The following PMVK variants were observed in gnomAD, a reference collection of about 807,000 sequenced individuals.
PMVK encodes the protein testis tissue sperm-binding protein Li 95mP.
PMVK carries 10 observed loss-of-function variants against 19.0 expected under a neutral mutation model. The observed-to-expected ratio is 0.53, with a 90% CI of 0.32 to 0.89. The LOEUF is 0.89. PMVK is among the 40% of genes least tolerant of loss of function. PMVK has a pLI of 0.03. For missense variants in PMVK, 222 were observed against 251.1 expected, an observed-to-expected ratio of 0.88 and a Z score of 0.78; for synonymous variants, 108 against 101.6, an observed-to-expected ratio of 1.06 and a Z score of -0.38.
intron 2 of PMVK, among the ~76,000 whole-genome samples, chr1:154,931,389 A>G (rs1654330236): frequency 6.6e-6 from 1 of 152,182 alleles, no homozygotes; most frequent in East Asian, 1.9e-4. Context: ...CCCTTTCTGA[A>G]GTCTAAGATT....
upstream of PMVK, among the ~76,000 whole-genome samples, chr1:154,937,191 A>G (rs71628638): frequency 7.2e-5 from 11 of 152,182 alleles, no homozygotes; most frequent in Non-Finnish European, 1.3e-4. Flanking sequence ...CCTGTGCGTT[A>G]TAGTACATGT....
Position 154,925,080 on chromosome 1 carries a change from G to GCCCCCCCCCCCCC in PMVK, c.*48_*49insGGGGGGGGGGGGG. ...GGGACACCCCCATTTTGCAGAGTCAGCCCCACCCCCACCTCAGCAGGCCCC... is the reference window on the plus strand; with the variant it reads ...GGGACACCCCCATTTTGCAGAGTCAGCCCCCCCCCCCCCCCCCACCCCCACCTCAGCAGGCCCC... On this transcript the variant is annotated 3_prime_UTR_variant, in exon 5 of 5. Coordinates refer to ENST00000368467, the MANE Select transcript of PMVK (RefSeq NM_006556.4). 9 of 1,459,212 alleles carry GCCCCCCCCCCCCC rather than the reference G, an allele frequency of 6.2e-6. No individual in the cohort carries two copies. Among genetic ancestry groups the GCCCCCCCCCCCCC allele is most frequent in the Admixed American group, 1.8e-5 (1 of 55,188 alleles). The allele number at this position is 1,459,212 out of a possible 1,614,324, so 90.4% of individuals were successfully genotyped here.
rs775661611 is a variant in PMVK, at chr1:154,932,339, A to G, written c.159+13T>C. The G allele has an allele frequency of 3.3e-5, 53 of 1,607,950 alleles. No homozygotes were observed. On this transcript the variant is annotated intron_variant, in intron 2 of 4. Transcript: ENST00000368467. ...CCCGCCCAACACACCGGATGCCACA[A>G]AGCACCACCTACCTGAGCATACTGT...
At chr1:154,926,911 T>C (rs1654180638) in intron 3 of PMVK, among the ~76,000 whole-genome samples, 1 of 152,166 alleles carries the variant, frequency 6.6e-6, no homozygotes, top group Admixed American at 6.6e-5. Context: ...TCAACACGGC[T>C]GAAACTCAAC....
At chr1:154,931,045 G>A (rs1025468323) in intron 2 of PMVK, among the ~76,000 whole-genome samples, 1 of 152,008 alleles carries the variant, frequency 6.6e-6, no homozygotes, top group Admixed American at 6.6e-5. Flanking sequence ...GCCATTATGC[G>A]CCACTGCACT....
At position 154,929,146 on chromosome 1, in the gene PMVK, C is replaced by T. The variant is rs1654261058; in HGVS notation, c.190G>A (p.Asp64Asn). ...EHGLNFQRLL[D>N]TSTYKEAFRK... is the part of the protein sequence containing the mutation. ...AAGGCCTCCTTGTAGGTGCTGGTGTCCAGGAGTCTCTGGAAGTTCAAGCCA... is the reference window on the plus strand; with the variant it reads ...AAGGCCTCCTTGTAGGTGCTGGTGTTCAGGAGTCTCTGGAAGTTCAAGCCA... Residue 64 changes from aspartate (D) to asparagine (N), a missense_variant, in exon 3 of 5, where the codon GAC becomes AAC. Physicochemically the swap from Asp to Asn is conservative, Grantham distance 23 (BLOSUM62 1). Coordinates refer to ENST00000368467, the MANE Select transcript of PMVK (RefSeq NM_006556.4). 2 of 1,613,978 alleles carry T rather than the reference C, an allele frequency of 1.2e-6. No individual in the cohort carries two copies. Among genetic ancestry groups the T allele is most frequent in the Admixed American group, 3.3e-5 (2 of 60,006 alleles).
chr1:154,935,650 C>G (rs1654480772), intron 1 of PMVK, among the ~76,000 whole-genome samples: 1 of 152,174 alleles, frequency 6.6e-6, no homozygotes, highest in South Asian at 2.1e-4. Context: ...TTGCCACTTA[C>G]TTTGTGACCA....
At position 154,936,574 on chromosome 1, in the gene PMVK, T is replaced by G. The variant is rs1038608836; in HGVS notation, c.95+17A>C. Reference sequence around the variant, plus strand: ...TGCGGAGAGCTCCCCCTTCCACCTTTCCCGCCTCACGGACACCTGCTCTGC... The same window carrying G: ...TGCGGAGAGCTCCCCCTTCCACCTTGCCCGCCTCACGGACACCTGCTCTGC... On this transcript the variant is annotated intron_variant, in intron 1 of 4. Coordinates refer to ENST00000368467, the MANE Select transcript of PMVK (RefSeq NM_006556.4). 6.3e-7 allele frequency: 1 copy of G among 1,586,992 alleles called. No individual in the cohort carries two copies. Among genetic ancestry groups the G allele is most frequent in the South Asian group, 1.1e-5 (1 of 87,164 alleles).
intron 1 of PMVK, among the ~76,000 whole-genome samples, chr1:154,934,955 G>C (rs1251902459): frequency 6.6e-6 from 1 of 151,368 alleles, no homozygotes; most frequent in South Asian, 2.1e-4. Flanking sequence ...CCAGCTACTC[G>C]GGAGGCTGAG....
At position 154,925,173 on chromosome 1, in the gene PMVK, C is replaced by T. The variant is rs1356566876; in HGVS notation, c.535G>A (p.Glu179Lys). 1.5e-5 allele frequency: 25 copies of T among 1,613,352 alleles called. No homozygotes were observed. The highest frequency in any genetic ancestry group is 2.0e-5 in the Non-Finnish European group (24 of 1,179,642). Residue 179 changes from glutamate to lysine, a missense_variant, in exon 5 of 5, where the codon GAG (glutamate) becomes AAG (lysine). Physicochemically the swap from Glu to Lys is moderately conservative, Grantham distance 56. Coordinates refer to ENST00000368467, the MANE Select transcript of PMVK (RefSeq NM_006556.4). ...ENHGVEQRLE[E>K]QLENLIEFIR... The stretch of plus-strand genomic sequence containing the variant: ...AATTCTATCAGGTTCTCCAACTGCT[C>T]CTCCAGGCGCTGTTCAACTCCATGG...
chr1:154,931,917 G>A (rs1230978488), intron 2 of PMVK, among the ~76,000 whole-genome samples: 1 of 152,040 alleles, frequency 6.6e-6, no homozygotes, highest in Non-Finnish European at 1.5e-5. Flanking sequence ...TCTAACTCCT[G>A]GACTCAAGCA....
rs759552451 is a variant in PMVK, at chr1:154,936,672, C to T, written c.14G>A (p.Gly5Glu). The change falls in exon 1 of 5, where the codon GGA becomes GAA. Residue 5 changes from glycine (G) to glutamate (E), a missense_variant. Transcript: ENST00000368467. MAPL[G>E]GAPRLVLLFS... ...CAGCAGTACCAGCCGCGGGGCGCCTCCCAGCGGGGCCATGGGGCCGCCACG... is the reference window on the plus strand; with the variant it reads ...CAGCAGTACCAGCCGCGGGGCGCCTTCCAGCGGGGCCATGGGGCCGCCACG... The T allele has an allele frequency of 4.4e-6, 7 of 1,606,500 alleles. No individual in the cohort carries two copies. In the Admixed American group the frequency reaches 6.8e-5, roughly 16 times the overall value.
At position 154,932,226 on chromosome 1, in the gene PMVK, G is replaced by A; in HGVS notation, c.159+126C>T. ...GAAAGGTCCACTCACAGAAAACCAA[G>A]AGCTGGCCACCACCCTGCCAGCAGT... On this transcript the variant is annotated intron_variant, in intron 2 of 4. Coordinates refer to ENST00000368467, the MANE Select transcript of PMVK (RefSeq NM_006556.4). The A allele has an allele frequency of 5.5e-6, 4 of 731,868 alleles. No individual in the cohort carries two copies. In the South Asian group the frequency reaches 5.9e-5, roughly 11 times the overall value. The allele number at this position is 731,868 out of a possible 1,614,324, so 45.3% of individuals were successfully genotyped here.
chr1:154,938,199 A>T (rs894044433), upstream of PMVK: 2 of 152,246 alleles, frequency 1.3e-5, no homozygotes, highest in Non-Finnish European at 2.9e-5. Context: ...AGTCACATGG[A>T]AGGAGTCAGA....
chr1:154,925,078 C>G lies in PMVK; in HGVS notation c.*51G>C, dbSNP rs748346649. 6 of 1,427,760 alleles carry G rather than the reference C, an allele frequency of 4.2e-6. No individual in the cohort carries two copies. In the Admixed American group the frequency reaches 9.1e-5, roughly 22 times the overall value. The allele number at this position is 1,427,760 out of a possible 1,614,324, so 88.4% of individuals were successfully genotyped here. On this transcript the variant is annotated 3_prime_UTR_variant, in exon 5 of 5. Coordinates refer to ENST00000368467, the MANE Select transcript of PMVK (RefSeq NM_006556.4). The stretch of plus-strand genomic sequence containing the variant: ...GGGGGACACCCCCATTTTGCAGAGT[C>G]AGCCCCACCCCCACCTCAGCAGGCC...
At chr1:154,941,354 C>T (rs931378798), upstream of PMVK, among the ~76,000 whole-genome samples, 1 of 152,186 alleles carries the variant, frequency 6.6e-6, no homozygotes, top group African/African-American at 2.4e-5. Context: ...GGACAGGGAA[C>T]TCAGATAAGT....
intron 1 of PMVK, among the ~76,000 whole-genome samples, chr1:154,935,404 G>A (rs928298821): frequency 1.3e-5 from 2 of 152,128 alleles, no homozygotes; most frequent in African/African-American, 4.8e-5. Context: ...CCCAACCTCT[G>A]CTCTCCTAGC....
chr1:154,934,640 A>C (rs1257348921), intron 1 of PMVK, among the ~76,000 whole-genome samples: 1 of 152,166 alleles, frequency 6.6e-6, no homozygotes, highest in Non-Finnish European at 1.5e-5. Context: ...TGGTAAAATA[A>C]ATATAGCCAA....
chr1:154,929,061 C>T lies in PMVK; in HGVS notation c.275G>A (p.Cys92Tyr). Residue 92 changes from cysteine (C) to tyrosine (Y), a missense_variant, in exon 3 of 5, where the codon TGC becomes TAC. Cys to Tyr is a radical substitution (Grantham distance 194). Coordinates refer to ENST00000368467, the MANE Select transcript of PMVK (RefSeq NM_006556.4). ...EKRQADPGFFCRKIVEGISQP... is the reference protein window; with the variant it reads ...EKRQADPGFFYRKIVEGISQP... ...GGAGATGCCCTCCACAATCTTCCTG[C>T]AAAAGAAGCCTGGGTCAGCCTGGCG... 6.2e-7 allele frequency: 1 copy of T among 1,614,208 alleles called. No individual in the cohort carries two copies. Among genetic ancestry groups the T allele is most frequent in the Non-Finnish European group, 8.5e-7 (1 of 1,180,012 alleles).
Sources: gnomAD v4.1 joint callset for allele counts (sites outside exome capture counted in the v4.1 genomes callset) on GRCh38, gnomAD v4.1.1 for gene constraint, MANE v1.5 for transcripts, NCBI Gene and HGNC (gene_info 2026-07-23, HGNC 2026-07-21) for gene names.